FBXL3: variants seen among roughly 807,000 people sequenced by gnomAD.
FBXL3 encodes the protein F-box/LRR-repeat protein 3.
FBXL3 carries 14 observed loss-of-function variants against 37.9 expected under a neutral mutation model. The ratio of observed to expected loss-of-function variants is 0.37; its 90% CI spans 0.24 to 0.58. The LOEUF is 0.58. FBXL3 is among the 20% of genes least tolerant of loss of function. FBXL3 has a pLI of 0.74. For synonymous variants in FBXL3, 194 were observed against 180.1 expected (o/e 1.08, Z -0.62); for missense variants, 327 against 511.1 (o/e 0.64, Z 3.47).
At chr13:77,011,677 C>T (rs2034555587) in intron 4 of FBXL3, among the ~76,000 whole-genome samples, 1 of 147,348 alleles carries the variant, frequency 6.8e-6, no homozygotes, top group Non-Finnish European at 1.5e-5. Flanking sequence ...AAGCCAGGAT[C>T]ACGCCACTCC....
At chr13:77,026,094 G>T (rs2034834129) in intron 1 of FBXL3, 3 of 775,208 alleles carry the variant, frequency 3.9e-6, no homozygotes, top group Non-Finnish European at 3.1e-6. Flanking sequence ...GTTAGAAAAG[G>T]AGGATTCTAA....
At chr13:77,025,687 C>CAG (rs2036281256) in intron 1 of FBXL3, among the ~76,000 whole-genome samples, 1 of 73,966 alleles carries the variant, frequency 1.4e-5, no homozygotes, top group Non-Finnish European at 2.4e-5. Context: ...GTCCTTGTCT[C>CAG]AAAAAAAAAA....
chr13:77,012,503 C>T (rs2034572288), intron 4 of FBXL3, among the ~76,000 whole-genome samples: 1 of 151,802 alleles, frequency 6.6e-6, no homozygotes, highest in African/African-American at 2.4e-5. Context: ...TTATAGGGAA[C>T]TAAGTAACTA....
At chr13:77,008,999 G>A (rs1566226729) in intron 4 of FBXL3, 1 of 152,190 alleles carries the variant, frequency 6.6e-6, no homozygotes, top group Non-Finnish European at 1.5e-5. Context: ...CAAGTATGAT[G>A]TGCCAGGTAC....
rs1387907822 is a variant in FBXL3 at position 77,007,080 on chromosome 13, C to T, written c.*65G>A. ...AAATAGTAGAATTATATCAGAACTACAGCAAATAAAACTTTAATTATAATA... is the reference window on the plus strand; with the variant it reads ...AAATAGTAGAATTATATCAGAACTATAGCAAATAAAACTTTAATTATAATA... On this transcript the variant is annotated 3_prime_UTR_variant, in exon 5 of 5. Coordinates refer to ENST00000355619, the MANE Select transcript of FBXL3 (RefSeq NM_012158.4). 1.3e-6 allele frequency: 2 copies of T among 1,512,194 alleles called. No individual in the cohort carries two copies. Among genetic ancestry groups the T allele is most frequent in the Admixed American group, 4.2e-5 (2 of 47,114 alleles). 93.7% of individuals were successfully genotyped at this position (1,512,194 alleles called of 1,614,324 possible). A position where few individuals can be genotyped will look rare whatever the true frequency, so the allele number is the denominator to read the frequency against.
intron 1 of FBXL3, among the ~76,000 whole-genome samples, chr13:77,025,010 T>A (rs2034811630): frequency 6.6e-6 from 1 of 152,184 alleles, no homozygotes; most frequent in Non-Finnish European, 1.5e-5. Flanking sequence ...TTTACACTAC[T>A]TTAATAGTAT....
In FBXL3 at chr13:77,007,240, T is replaced by C; in HGVS notation, c.1192A>G (p.Ile398Val). ...TCCAAACTATACTTTTGGTCAGGAA[T>C]TAGTACTTCTTCCATAATGGATAAT... is the stretch of plus-strand genomic sequence containing the variant. ...SQLSIMEEVL[I>V]PDQKYSLEQI... Residue 398 changes from isoleucine (I) to valine (V), a missense_variant, in exon 5 of 5, where the codon ATT (isoleucine) becomes GTT (valine). Physicochemically the swap from Ile to Val is conservative, Grantham distance 29. Transcript: ENST00000355619. 8 of 1,614,102 alleles carry C rather than the reference T, an allele frequency of 5.0e-6. No homozygotes were observed. The highest frequency in any genetic ancestry group is 6.8e-6 in the Non-Finnish European group (8 of 1,180,030).
chr13:77,022,966 C>T (rs2034772059), intron 1 of FBXL3, among the ~76,000 whole-genome samples: 1 of 152,112 alleles, frequency 6.6e-6, no homozygotes, highest in Non-Finnish European at 1.5e-5. Context: ...AACAGGGTTT[C>T]TGTGAGAAAT....
Position 77,007,591 on chromosome 13 carries a change from T to G in FBXL3, c.841A>C (p.Ile281Leu). The change falls in exon 5 of 5, where the codon ATC (isoleucine) becomes CTC (leucine). Residue 281 changes from isoleucine to leucine, a missense_variant. Coordinates refer to ENST00000355619, the MANE Select transcript of FBXL3 (RefSeq NM_012158.4). ...TIQKSSWDAF[I>L]RHSPKVNLVM... The stretch of plus-strand genomic sequence containing the variant: ...AAGTTCACTTTGGGTGAATGTCTGA[T>G]GAAAGCATCCCAGCTACTCTTCTGA... 6.2e-7 allele frequency: 1 copy of G among 1,614,198 alleles called. No individual in the cohort carries two copies. The highest frequency in any genetic ancestry group is 1.7e-5 in the Admixed American group (1 of 60,022).
chr13:77,010,000 A>C lies in FBXL3; in HGVS notation c.644-2212T>G, dbSNP rs148181559. 300 of 152,388 alleles carry C rather than the reference A, an allele frequency of 2.0e-3. 2 individuals carry two copies. Among genetic ancestry groups the C allele is most frequent in the African/African-American group, 7.1e-3 (295 of 41,572 alleles). 9.4% of individuals were successfully genotyped at this position (152,388 alleles called of 1,614,324 possible). On this transcript the variant is annotated intron_variant, in intron 4 of 4. Coordinates refer to ENST00000355619, the MANE Select transcript of FBXL3 (RefSeq NM_012158.4). ...CCATCATTCTCAGCAAACTAACACA[A>C]GAACAGAAAACCAGACACCGCATGT...
intron 1 of FBXL3, among the ~76,000 whole-genome samples, chr13:77,022,535 G>A (rs566776784): frequency 6.6e-6 from 1 of 152,248 alleles, no homozygotes; most frequent in Admixed American, 6.5e-5. Context: ...GATGATCTGA[G>A]GTGGAACAGT....
At position 77,018,680 on chromosome 13, in the gene FBXL3, G is replaced by A; in HGVS notation, c.391C>T (p.Leu131=). ...KESAEAACDI[L]SQLVNCSLKT... ...AAAGAGCAATTCACAAGTTGCGATA[G>A]TATATCACAAGCTGCTTCAGCTGAT... Residue 131 remains leucine, a synonymous_variant, in exon 3 of 5, where the codon CTA becomes TTA. Coordinates refer to ENST00000355619, the MANE Select transcript of FBXL3 (RefSeq NM_012158.4). 6.3e-7 allele frequency: 1 copy of A among 1,593,652 alleles called. No individual in the cohort carries two copies.
chr13:77,015,471 G>A lies in FBXL3; in HGVS notation c.581C>T (p.Ala194Val). The stretch of plus-strand genomic sequence containing the variant: ...CAGCTTGAGTGTATCACTATTGTTG[G>A]CCACTAGTACTTTGAGAGATGGATC... ...VDDPSLKVLV[A>V]NNSDTLKLLK... Residue 194 changes from alanine to valine, a missense_variant, in exon 4 of 5, where the codon GCC (alanine) becomes GTC (valine). Physicochemically the swap from Ala to Val is moderately conservative, Grantham distance 64. Coordinates refer to ENST00000355619, the MANE Select transcript of FBXL3 (RefSeq NM_012158.4). 8 of 1,606,944 alleles carry A rather than the reference G, an allele frequency of 5.0e-6. No homozygotes were observed. Among genetic ancestry groups the A allele is most frequent in the Non-Finnish European group, 6.8e-6 (8 of 1,176,688 alleles).
chr13:77,006,850 T>C lies in FBXL3; in HGVS notation c.*295A>G, dbSNP rs748671291. 283 of 1,134,808 alleles carry C rather than the reference T, an allele frequency of 2.5e-4. No homozygotes were observed. Among genetic ancestry groups the C allele is most frequent in the Non-Finnish European group, 3.0e-4 (273 of 922,872 alleles). The allele number at this position is 1,134,808 out of a possible 1,614,324, so 70.3% of individuals were successfully genotyped here. On this transcript the variant is annotated 3_prime_UTR_variant, in exon 5 of 5. Coordinates refer to ENST00000355619, the MANE Select transcript of FBXL3 (RefSeq NM_012158.4). Reference sequence around the variant, plus strand: ...AGTACTTCTTGGATATTATAACATATAGGTTTTGTTTCCTTTAGACTGTAA... The same window carrying C: ...AGTACTTCTTGGATATTATAACATACAGGTTTTGTTTCCTTTAGACTGTAA...
chr13:77,021,482 T>C, intron 2 of FBXL3, 31 bp downstream of exon 2: 1 of 1,527,650 alleles, frequency 6.5e-7, no homozygotes, highest in Non-Finnish European at 8.9e-7. Flanking sequence ...AAAAATACTT[T>C]ATTTTTTAAA....
At chr13:77,017,444 AG>A (rs1297639658) in intron 3 of FBXL3, 1 of 152,190 alleles carries the variant, frequency 6.6e-6, no homozygotes, top group Non-Finnish European at 1.5e-5. Flanking sequence ...CCATGTAACT[AG>A]TATTTCTTAG....
At chr13:77,015,156 T>C in intron 4 of FBXL3, 2 of 258,700 alleles carry the variant, frequency 7.7e-6, no homozygotes, top group East Asian at 7.0e-5. Flanking sequence ...TCCTTTCCTC[T>C]TTTTTTTCCT....
intron 2 of FBXL3, 101 bp downstream of exon 2, chr13:77,021,412 T>C: frequency 3.3e-6 from 3 of 903,350 alleles, no homozygotes; most frequent in Non-Finnish European, 4.8e-6. Flanking sequence ...GCATTTTCCC[T>C]GAAAAAGCAA....
chr13:77,025,815 A>G (rs760369580), intron 1 of FBXL3, among the ~76,000 whole-genome samples: 3 of 152,166 alleles, frequency 2.0e-5, no homozygotes, highest in Non-Finnish European at 4.4e-5. Context: ...ATAATTTTAA[A>G]TGCTCATTTG....
Sources: allele counts gnomAD v4.1 joint callset (sites outside exome capture counted in the v4.1 genomes callset), GRCh38; gene constraint gnomAD v4.1.1; transcripts MANE v1.5; gene names NCBI Gene and HGNC (gene_info 2026-07-23, HGNC 2026-07-21).